EPHA5: variants seen among roughly 807,000 people sequenced by gnomAD.
EPHA5 encodes ephrin type-A receptor 5.
EPHA5 carries 60 observed loss-of-function variants against 105.0 expected under a neutral mutation model. The observed-to-expected ratio is 0.57, with a 90% confidence interval of 0.46 to 0.71. The LOEUF is 0.71. EPHA5 is among the 30% of genes least tolerant of loss of function. The probability of loss-of-function intolerance (pLI) is 0.00; values close to 1 mark genes in which losing one functional copy is unlikely to be tolerated. For synonymous variants in EPHA5, 513 were observed against 449.1 expected (o/e 1.14, Z -1.80); for missense variants, 1,218 against 1,274.7 (o/e 0.96, Z 0.68).
chr4:65,531,411 C>A (rs1270870339), intron 3 of EPHA5, among the ~76,000 whole-genome samples: 1 of 152,184 alleles, frequency 6.6e-6, no homozygotes, highest in Non-Finnish European at 1.5e-5. Flanking sequence ...AGAAGTCATG[C>A]AGGGCTAGAA....
intron 5 of EPHA5, among the ~76,000 whole-genome samples, chr4:65,427,296 T>G (rs1003365254): frequency 6.7e-6 from 1 of 149,844 alleles, no homozygotes; most frequent in Admixed American, 6.7e-5. Flanking sequence ...GCGATTCTCC[T>G]GCCTCAGCCT....
chr4:65,457,703 A>G (rs1341855373), intron 5 of EPHA5, among the ~76,000 whole-genome samples: 2 of 151,890 alleles, frequency 1.3e-5, no homozygotes, highest in Non-Finnish European at 2.9e-5. Flanking sequence ...TAGTTTTCTA[A>G]GCACAGCTAA....
chr4:65,479,554 G>C (rs1469900716), intron 5 of EPHA5, among the ~76,000 whole-genome samples: 6 of 152,086 alleles, frequency 3.9e-5, no homozygotes, highest in African/African-American at 1.4e-4. Flanking sequence ...TATTGTTTTT[G>C]TTTCCCTTCT....
intron 9 of EPHA5, among the ~76,000 whole-genome samples, chr4:65,366,789 C>T (rs1426173738): frequency 1.3e-5 from 2 of 151,828 alleles, no homozygotes; most frequent in Non-Finnish European, 2.9e-5. Flanking sequence ...ATTCACATTG[C>T]ACCATTTAAG....
intron 4 of EPHA5, 111 bp downstream of exon 4, chr4:65,495,277 C>T (rs1731808807): frequency 8.4e-7 from 1 of 1,188,016 alleles, no homozygotes; most frequent in Non-Finnish European, 1.2e-6. Flanking sequence ...GATGATTAAA[C>T]ATTATGTCTG....
intron 3 of EPHA5, among the ~76,000 whole-genome samples, chr4:65,554,981 CAAAAAAAA>C (rs71205383): frequency 3.2e-5 from 3 of 92,620 alleles, no homozygotes; most frequent in African/African-American, 8.2e-5. Context: ...TATACAACAG[CAAAAAAAA>C]AAAAAAAAAA....
chr4:65,519,426 GA>G lies in EPHA5; in HGVS notation c.911-23884del, dbSNP rs1325584063. On this transcript the variant is annotated intron_variant, in intron 3 of 16. Coordinates refer to ENST00000613740, the MANE Select transcript of EPHA5 (RefSeq NM_001281766.3). ...ATAAACCCACAGCCAATATCATACT[GA>G]AAGGGCAAAAACGGGAAGCATTTCC... is the stretch of plus-strand genomic sequence containing the variant. 2.0e-5 allele frequency among the ~76,000 whole-genome samples: 3 copies of G among 152,164 alleles called. No individual in the cohort carries two copies. The South Asian group carries it at 6.2e-4, about 32-fold the overall frequency.
At chr4:65,349,799 A>G (rs1191099811) in intron 13 of EPHA5, among the ~76,000 whole-genome samples, 1 of 152,138 alleles carries the variant, frequency 6.6e-6, no homozygotes, top group Non-Finnish European at 1.5e-5. Flanking sequence ...AGTCCTAGCT[A>G]TGCATAGATA....
intron 2 of EPHA5, among the ~76,000 whole-genome samples, chr4:65,605,380 C>T (rs750294942): frequency 6.6e-6 from 1 of 152,188 alleles, no homozygotes; most frequent in Non-Finnish European, 1.5e-5. Flanking sequence ...TCATTGCTCT[C>T]TTGGCCTTCT....
chr4:65,431,579 T>C (rs1193909963), intron 5 of EPHA5, among the ~76,000 whole-genome samples: 1 of 152,082 alleles, frequency 6.6e-6, no homozygotes, highest in African/African-American at 2.4e-5. Context: ...CTGGCAATTC[T>C]CCTCTTCCCG....
At chr4:65,520,731 T>G (rs967489591) in intron 3 of EPHA5, among the ~76,000 whole-genome samples, 2 of 151,994 alleles carry the variant, frequency 1.3e-5, no homozygotes, top group Admixed American at 6.6e-5. Context: ...AACAGACACT[T>G]CTCAAAAGAA....
At chr4:65,497,486 G>T (rs942728060) in intron 3 of EPHA5, among the ~76,000 whole-genome samples, 1 of 152,020 alleles carries the variant, frequency 6.6e-6, no homozygotes, top group Non-Finnish European at 1.5e-5. Flanking sequence ...ATTAGGAGAA[G>T]ATTTAAAATA....
At chr4:65,423,668 TG>T (rs1333640081) in intron 5 of EPHA5, among the ~76,000 whole-genome samples, 1 of 142,606 alleles carries the variant, frequency 7.0e-6, no homozygotes, top group Non-Finnish European at 1.5e-5. Flanking sequence ...TGGGTTTGTC[TG>T]TTTTTTTTTT....
chr4:65,504,366 AT>A (rs963376606), intron 3 of EPHA5, among the ~76,000 whole-genome samples: 94 of 50,916 alleles, frequency 1.8e-3, no homozygotes, highest in South Asian at 8.6e-3. Flanking sequence ...ATATTGAAAA[AT>A]ATATATATAT....
intron 2 of EPHA5, among the ~76,000 whole-genome samples, chr4:65,620,870 C>T (rs1417002241): frequency 6.6e-6 from 1 of 152,046 alleles, no homozygotes; most frequent in East Asian, 1.9e-4. Context: ...TATGCTTTTT[C>T]CATATGTGAG....
At chr4:65,616,561 A>G (rs927666211) in intron 2 of EPHA5, among the ~76,000 whole-genome samples, 3 of 151,984 alleles carry the variant, frequency 2.0e-5, no homozygotes, top group African/African-American at 7.2e-5. Flanking sequence ...AAAAACAAAA[A>G]TTATAATTCA....
At chr4:65,500,645 A>T (rs1425448558) in intron 3 of EPHA5, among the ~76,000 whole-genome samples, 1 of 151,074 alleles carries the variant, frequency 6.6e-6, no homozygotes, top group Non-Finnish European at 1.5e-5. Context: ...TTAAAGAGCT[A>T]TTAACCTTGG....
intron 3 of EPHA5, among the ~76,000 whole-genome samples, chr4:65,550,627 A>G (rs1737804499): frequency 6.6e-6 from 1 of 152,070 alleles, no homozygotes; most frequent in Non-Finnish European, 1.5e-5. Context: ...TGAGGTCAGG[A>G]GATCGAAATC....
intron 3 of EPHA5, among the ~76,000 whole-genome samples, chr4:65,590,683 C>T (rs559123886): frequency 1.3e-5 from 2 of 152,250 alleles, no homozygotes; most frequent in African/African-American, 4.8e-5. Context: ...GCTACACTTG[C>T]TATTAGTCAG....
Sources: allele counts gnomAD v4.1 joint callset (sites outside exome capture counted in the v4.1 genomes callset), GRCh38; gene constraint gnomAD v4.1.1; transcripts MANE v1.5; gene names NCBI Gene and HGNC (gene_info 2026-07-23, HGNC 2026-07-21).